Variants in OR2H2 observed in about 807,000 individuals in gnomAD.
The protein encoded by OR2H2 is olfactory receptor 2H2.
For missense variants in OR2H2, 295 were observed against 313.7 expected (o/e 0.94, Z 0.45); for synonymous variants, 146 against 132.4 (o/e 1.10, Z -0.71).
rs755782065 is a variant in OR2H2 at position 29,588,088 on chromosome 6, G to A, written c.144G>A (p.Ala48=). The change falls in exon 2 of 2, where the codon GCG becomes GCA. Residue 48 remains alanine (A), a synonymous_variant. Transcript: ENST00000641840. The part of the protein sequence containing the change: ...VGNTLIILLS[A]LDPKLHSPMY... ...ACACACTCATCATCCTGCTGTCTGC[G>A]CTGGACCCCAAGCTCCACTCTCCAA... The A allele has an allele frequency of 4.2e-6, 4 of 949,788 alleles. No individual in the cohort carries two copies. The highest frequency in any genetic ancestry group is 1.7e-5 in the Admixed American group (1 of 59,192). The allele number at this position is 949,788 out of a possible 1,614,324, so 58.8% of individuals were successfully genotyped here. A position where few individuals can be genotyped will look rare whatever the true frequency, so the allele number is the denominator to read the frequency against.
rs1470578811 is a variant in OR2H2 at position 29,585,217 on chromosome 6, G to A, written c.-409G>A. On this transcript the variant is annotated 5_prime_UTR_variant, in exon 1 of 2. Coordinates refer to ENST00000641840, the MANE Select transcript of OR2H2 (RefSeq NM_007160.4). Reference sequence around the variant, plus strand: ...AATCCCTATTGTGACCAGAGATGCAGTTGCCCATTCAAGGATGCCCATTCC... The same window carrying A: ...AATCCCTATTGTGACCAGAGATGCAATTGCCCATTCAAGGATGCCCATTCC... The A allele has an allele frequency of 6.6e-6, 1 of 152,242 alleles. No individual in the cohort carries two copies. The highest frequency in any genetic ancestry group is 1.5e-5 in the Non-Finnish European group (1 of 68,050). 9.4% of individuals were successfully genotyped at this position (152,242 alleles called of 1,614,324 possible).
In OR2H2 at chr6:29,588,546, G is replaced by C. The variant is rs146245795; in HGVS notation, c.602G>C (p.Ser201Thr). The C allele has an allele frequency of 1.3e-3, 1,283 of 965,824 alleles. 8 individuals are homozygous for C. Among genetic ancestry groups the C allele is most frequent in the Admixed American group, 3.0e-4 (18 of 59,248 alleles). The allele number at this position is 965,824 out of a possible 1,614,324, so 59.8% of individuals were successfully genotyped here. The change falls in exon 2 of 2, where the codon AGT (serine) becomes ACT (threonine). Residue 201 changes from serine (S) to threonine (T), a missense_variant. Coordinates refer to ENST00000641840, the MANE Select transcript of OR2H2 (RefSeq NM_007160.4). ...AATGAGATCCAGGTGGCTGTTGCCA[G>C]TGTCTTCATCTTGGTTGTGCCTCTC... ...SYNEIQVAVA[S>T]VFILVVPLSL...
In OR2H2 at chr6:29,587,944, C is replaced by T; in HGVS notation, c.-1C>T. ...CCTCCAGGTACAAACAAGAACAGGC[C>T]ATGGTTAACCAAAGCTCCACACCGG... On this transcript the variant is annotated 5_prime_UTR_variant, in exon 2 of 2. Transcript: ENST00000641840. 1.2e-6 allele frequency: 1 copy of T among 864,908 alleles called. No individual in the cohort carries two copies. Among genetic ancestry groups the T allele is most frequent in the Non-Finnish European group, 2.0e-6 (1 of 498,768 alleles). 53.6% of individuals were successfully genotyped at this position (864,908 alleles called of 1,614,324 possible). A position where few individuals can be genotyped will look rare whatever the true frequency, so the allele number is the denominator to read the frequency against.
intron 1 of OR2H2, among the ~76,000 whole-genome samples, chr6:29,587,069 A>G (rs1024560904): frequency 6.6e-5 from 10 of 152,312 alleles, no homozygotes; most frequent in Admixed American, 2.6e-4. Context: ...TCATTCACCC[A>G]GTACATTGGT....
chr6:29,585,269 G>T lies in OR2H2; in HGVS notation c.-357G>T, dbSNP rs1356028284. 2 of 152,152 alleles carry T rather than the reference G, an allele frequency of 1.3e-5. No homozygotes were observed. The highest frequency in any genetic ancestry group is 2.9e-5 in the Non-Finnish European group (2 of 68,032). 9.4% of individuals were successfully genotyped at this position (152,152 alleles called of 1,614,324 possible). A position where few individuals can be genotyped will look rare whatever the true frequency, so the allele number is the denominator to read the frequency against. ...TTTTATTTTTTTGTTTCTTCCTGAT[G>T]TACAAGTGGAGGCTGGGCACCAGTT... On this transcript the variant is annotated 5_prime_UTR_variant, in exon 1 of 2. An upstream start codon of the reference 5' UTR is lost. Coordinates refer to ENST00000641840, the MANE Select transcript of OR2H2 (RefSeq NM_007160.4).
intron 1 of OR2H2, among the ~76,000 whole-genome samples, chr6:29,586,660 A>G (rs372355213): frequency 1.3e-5 from 2 of 152,192 alleles, no homozygotes; most frequent in East Asian, 3.8e-4. Flanking sequence ...AAAATTAAAA[A>G]TATATTTTAA....
At position 29,588,051 on chromosome 6, in the gene OR2H2, C is replaced by T. The variant is rs766577192; in HGVS notation, c.107C>T (p.Thr36Ile). ...GTTGTCCTCACTTCCTACCTCCTAA[C>T]CCTAGTGGGCAACACACTCATCATC... ...FVVVLTSYLL[T>I]LVGNTLIILL... The change falls in exon 2 of 2, where the codon ACC becomes ATC. Residue 36 changes from threonine (T) to isoleucine (I), a missense_variant. Physicochemically the swap from Thr to Ile is moderately conservative, Grantham distance 89 (BLOSUM62 -1). Transcript: ENST00000641840. 1.8e-5 allele frequency: 17 copies of T among 961,718 alleles called. No homozygotes were observed. In the East Asian group the frequency reaches 3.8e-4, roughly 21 times the overall value. 59.6% of individuals were successfully genotyped at this position (961,718 alleles called of 1,614,324 possible). A position where few individuals can be genotyped will look rare whatever the true frequency, so the allele number is the denominator to read the frequency against.
At chr6:29,586,133 C>G (rs563138060) in intron 1 of OR2H2, among the ~76,000 whole-genome samples, 105 of 152,298 alleles carry the variant, frequency 6.9e-4, no homozygotes, top group African/African-American at 2.4e-3. Context: ...AAATTACACA[C>G]TTCAAAAGGG....
chr6:29,588,198 G>T lies in OR2H2; in HGVS notation c.254G>T (p.Gly85Val), dbSNP rs766021251. The part of the protein sequence containing the change: ...CVPQMLVNLW[G>V]PKKTISFLDC... ...CCCCAAATGCTGGTCAACCTCTGGG[G>T]CCCAAAGAAGACCATCAGCTTCCTG... Residue 85 changes from glycine (G) to valine (V), a missense_variant, in exon 2 of 2, where the codon GGC (glycine) becomes GTC (valine). Physicochemically the swap from Gly to Val is moderately radical, Grantham distance 109. Coordinates refer to ENST00000641840, the MANE Select transcript of OR2H2 (RefSeq NM_007160.4). 1.1e-5 allele frequency: 17 copies of T among 1,493,820 alleles called. No homozygotes were observed. The East Asian group carries it at 3.6e-4, about 32-fold the overall frequency. The allele number at this position is 1,493,820 out of a possible 1,614,324, so 92.5% of individuals were successfully genotyped here. A position where few individuals can be genotyped will look rare whatever the true frequency, so the allele number is the denominator to read the frequency against.
chr6:29,586,421 G>C (rs1760256243), intron 1 of OR2H2, among the ~76,000 whole-genome samples: 1 of 151,274 alleles, frequency 6.6e-6, no homozygotes, highest in Admixed American at 6.6e-5. Flanking sequence ...AGCCCAGGAG[G>C]TGGAAGTTGC....
chr6:29,587,203 T>C (rs1419010939), intron 1 of OR2H2, among the ~76,000 whole-genome samples: 1 of 152,176 alleles, frequency 6.6e-6, no homozygotes, highest in African/African-American at 2.4e-5. Flanking sequence ...TTTAACATGC[T>C]TGTGGCCACT....
In OR2H2 at chr6:29,589,643, T is replaced by C. The variant is rs765778165; in HGVS notation, c.*760T>C. ...CTTGGTGTCATCTACCGGCCAAATA[T>C]GGTATTGCATGTGACATCCCAGACT... is the stretch of plus-strand genomic sequence containing the variant. On this transcript the variant is annotated 3_prime_UTR_variant, in exon 2 of 2. Transcript: ENST00000641840. 6.6e-5 allele frequency: 10 copies of C among 152,242 alleles called. No individual in the cohort carries two copies. Among genetic ancestry groups the C allele is most frequent in the East Asian group, 1.9e-4 (1 of 5,206 alleles). 9.4% of individuals were successfully genotyped at this position (152,242 alleles called of 1,614,324 possible).
In OR2H2 at chr6:29,588,051, C is replaced by A. The variant is rs766577192; in HGVS notation, c.107C>A (p.Thr36Asn). 2 of 961,832 alleles carry A rather than the reference C, an allele frequency of 2.1e-6. No individual in the cohort carries two copies. The highest frequency in any genetic ancestry group is 3.4e-6 in the Non-Finnish European group (2 of 582,928). The allele number at this position is 961,832 out of a possible 1,614,324, so 59.6% of individuals were successfully genotyped here. A position where few individuals can be genotyped will look rare whatever the true frequency, so the allele number is the denominator to read the frequency against. ...GTTGTCCTCACTTCCTACCTCCTAA[C>A]CCTAGTGGGCAACACACTCATCATC... Reference protein sequence around the residue: ...FVVVLTSYLLTLVGNTLIILL... With the variant: ...FVVVLTSYLLNLVGNTLIILL... The change falls in exon 2 of 2, where the codon ACC (threonine) becomes AAC (asparagine). Residue 36 changes from threonine to asparagine, a missense_variant. Coordinates refer to ENST00000641840, the MANE Select transcript of OR2H2 (RefSeq NM_007160.4).
At chr6:29,587,614 T>A (rs937608843) in intron 1 of OR2H2, 56 bp from the exon 2 acceptor site, 1 of 276,936 alleles carries the variant, frequency 3.6e-6, no homozygotes, top group African/African-American at 2.2e-5. Context: ...TTCCCCTGAA[T>A]GAATGAATTA....
rs897721530 is a variant in OR2H2, at chr6:29,590,264, C to G, written c.*1381C>G. The G allele has an allele frequency of 1.3e-5, 2 of 152,084 alleles. No homozygotes were observed. The highest frequency in any genetic ancestry group is 2.9e-5 in the Non-Finnish European group (2 of 68,024). The allele number at this position is 152,084 out of a possible 1,614,324, so 9.4% of individuals were successfully genotyped here. ...GCAAATGTGCAAGACAGGATTTGAA[C>G]CCAGGAAAACTGGCTCCAGACTCCT... is the stretch of plus-strand genomic sequence containing the variant. On this transcript the variant is annotated 3_prime_UTR_variant, in exon 2 of 2. Transcript: ENST00000641840.
chr6:29,586,690 A>T (rs1372822439), intron 1 of OR2H2, among the ~76,000 whole-genome samples: 4 of 152,160 alleles, frequency 2.6e-5, no homozygotes, highest in African/African-American at 9.7e-5. Flanking sequence ...GAATAATGGG[A>T]AAAACAGGAA....
chr6:29,586,158 C>T (rs1046242436), intron 1 of OR2H2, among the ~76,000 whole-genome samples: 2 of 152,084 alleles, frequency 1.3e-5, no homozygotes, highest in Non-Finnish European at 2.9e-5. Flanking sequence ...TTTTATGGTA[C>T]GTTAAATACA....
At position 29,587,991 on chromosome 6, in the gene OR2H2, C is replaced by T; in HGVS notation, c.47C>T (p.Ser16Phe). Residue 16 changes from serine (S) to phenylalanine (F), a missense_variant, in exon 2 of 2, where the codon TCT (serine) becomes TTT (phenylalanine). Coordinates refer to ENST00000641840, the MANE Select transcript of OR2H2 (RefSeq NM_007160.4). ...CCGGGCTTCCTCCTTCTGGGCTTCT[C>T]TGAACACCCAGGGCTGGAAAGGACT... is the stretch of plus-strand genomic sequence containing the variant. ...STPGFLLLGF[S>F]EHPGLERTLF... 1 of 1,012,954 alleles carries T rather than the reference C, an allele frequency of 9.9e-7. No individual in the cohort carries two copies. Among genetic ancestry groups the T allele is most frequent in the Non-Finnish European group, 1.6e-6 (1 of 629,226 alleles). The allele number at this position is 1,012,954 out of a possible 1,614,324, so 62.7% of individuals were successfully genotyped here. A position where few individuals can be genotyped will look rare whatever the true frequency, so the allele number is the denominator to read the frequency against.
intron 1 of OR2H2, among the ~76,000 whole-genome samples, chr6:29,586,830 G>A (rs1402357339): frequency 6.6e-6 from 1 of 152,040 alleles, no homozygotes; most frequent in East Asian, 1.9e-4. Context: ...TTGTGGTGTG[G>A]CCCACCATCT....
Sources: gnomAD v4.1 joint callset for allele counts (sites outside exome capture counted in the v4.1 genomes callset) on GRCh38, gnomAD v4.1.1 for gene constraint, MANE v1.5 for transcripts, NCBI Gene and HGNC (gene_info 2026-07-23, HGNC 2026-07-21) for gene names.